CCDC144A: variants seen among roughly 807,000 people sequenced by gnomAD.
CCDC144A encodes coiled-coil domain-containing protein 144A.
CCDC144A carries 41 observed loss-of-function variants against 143.8 expected under a neutral mutation model. The observed-to-expected ratio is 0.29, with a 90% CI of 0.22 to 0.37. The LOEUF (loss-of-function observed/expected upper bound fraction) is 0.37. Among genes scored for constraint, CCDC144A ranks in the 10% least tolerant of loss-of-function variants. The pLI, the probability that CCDC144A is intolerant of heterozygous loss-of-function variation, is 1.00. For synonymous variants in CCDC144A, 242 were observed against 517.9 expected, an observed-to-expected ratio of 0.47 and a Z score of 7.23; for missense variants, 637 against 1,488.8, an observed-to-expected ratio of 0.43 and a Z score of 9.41.
intron 12 of CCDC144A, among the ~76,000 whole-genome samples, chr17:16,747,166 C>G (rs1459880884): frequency 6.6e-6 from 1 of 152,002 alleles, no homozygotes; most frequent in East Asian, 1.9e-4. Context: ...AATAGGGAGT[C>G]CTTTCCCCAT....
intron 5 of CCDC144A, among the ~76,000 whole-genome samples, chr17:16,710,951 A>G (rs566763724): frequency 9.4e-4 from 137 of 146,058 alleles, no homozygotes; most frequent in Non-Finnish European, 1.7e-3. Context: ...AGAGTGAGCT[A>G]AAGTAGATTC....
chr17:16,683,153 A>G, the CCDC144A span, among the ~76,000 whole-genome samples: 439 of 152,002 alleles, frequency 2.9e-3, 3 homozygotes, highest in African/African-American at 0.01. Context: ...ATTGCACAAC[A>G]TGGTGACTGC....
the CCDC144A span, chr17:16,683,442 C>G: frequency 1.7e-6 from 2 of 1,165,160 alleles, no homozygotes; most frequent in Admixed American, 2.3e-5. Flanking sequence ...GAGCGATGAG[C>G]CGGCTTCTGT....
the CCDC144A span, among the ~76,000 whole-genome samples, chr17:16,674,063 A>G: frequency 6.6e-6 from 1 of 152,084 alleles, no homozygotes; most frequent in Non-Finnish European, 1.5e-5. Flanking sequence ...ATGTCTTCCA[A>G]ATTTTAAGGA....
At chr17:16,673,064 A>G in the CCDC144A span, among the ~76,000 whole-genome samples, 1 of 152,122 alleles carries the variant, frequency 6.6e-6, no homozygotes, top group East Asian at 1.9e-4. Flanking sequence ...TGATAACACA[A>G]TTGTACATGT....
intron 1 of CCDC144A, among the ~76,000 whole-genome samples, chr17:16,691,492 TG>T (rs1567581055): frequency 2.0e-5 from 3 of 151,912 alleles, no homozygotes; most frequent in Admixed American, 6.6e-5. Context: ...CAGGGTGCAG[TG>T]GCTCATGCCT....
the CCDC144A span, among the ~76,000 whole-genome samples, chr17:16,669,192 G>A: frequency 1.3e-5 from 2 of 152,064 alleles, no homozygotes; most frequent in African/African-American, 2.4e-5. Flanking sequence ...TATATCTTGC[G>A]ACATTTGAGA....
At chr17:16,738,604 G>GT (rs1914127606) in intron 12 of CCDC144A, among the ~76,000 whole-genome samples, 1 of 152,146 alleles carries the variant, frequency 6.6e-6, no homozygotes, top group African/African-American at 2.4e-5. Flanking sequence ...TCATTGTGTT[G>GT]TAACATGTAT....
rs1211217229 is a variant in CCDC144A, at chr17:16,777,316, T to C, written c.*3683T>C. ...CTAGGCAGATCACCAAGACAGAAAG[T>C]CAACAAAGAAACAATGGACTTAAAC... On this transcript the variant is annotated 3_prime_UTR_variant, in exon 17 of 17. Coordinates refer to ENST00000399273, the MANE Select transcript of CCDC144A (RefSeq NM_001382000.1). The C allele has an allele frequency of 6.7e-6, 1 of 150,168 alleles. No individual in the cohort carries two copies. Among genetic ancestry groups the C allele is most frequent in the Non-Finnish European group, 1.5e-5 (1 of 67,438 alleles). 9.3% of individuals were successfully genotyped at this position (150,168 alleles called of 1,614,324 possible).
the CCDC144A span, among the ~76,000 whole-genome samples, chr17:16,671,411 G>T: frequency 6.6e-6 from 1 of 152,064 alleles, no homozygotes; most frequent in Admixed American, 6.6e-5. Context: ...GCGTTATTCT[G>T]TAAGTTCTGT....
Position 16,709,035 on chromosome 17 carries a change from A to G in CCDC144A, c.978A>G (p.Arg326=). 1 of 1,611,710 alleles carries G rather than the reference A, an allele frequency of 6.2e-7. No homozygotes were observed. Among genetic ancestry groups the G allele is most frequent in the Non-Finnish European group, 8.5e-7 (1 of 1,179,634 alleles). Residue 326 remains arginine (R), a synonymous_variant, in exon 5 of 17, where the codon AGA becomes AGG. Transcript: ENST00000399273. The part of the protein sequence containing the change: ...EEEPLLDNST[R]GTDVKDIPFN... ...AGCCACTACTTGATAACTCTACAAG[A>G]GGAACAGATGTAAAGGATATTCCCT...
chr17:16,736,440 A>C (rs1364044422), intron 12 of CCDC144A, among the ~76,000 whole-genome samples: 1 of 151,852 alleles, frequency 6.6e-6, no homozygotes, highest in African/African-American at 2.4e-5. Context: ...ATTAAATCAT[A>C]ATTTGGGACA....
chr17:16,686,478 A>G (rs1910785204), upstream of CCDC144A, among the ~76,000 whole-genome samples: 1 of 151,932 alleles, frequency 6.6e-6, no homozygotes, highest in Non-Finnish European at 1.5e-5. Flanking sequence ...GTGGGTGTGC[A>G]TATAGAAGAG....
intron 15 of CCDC144A, among the ~76,000 whole-genome samples, chr17:16,769,910 C>G (rs1467470049): frequency 2.0e-5 from 3 of 151,938 alleles, no homozygotes; most frequent in Non-Finnish European, 4.4e-5. Flanking sequence ...TCACTGCAAC[C>G]TCTGCCTGCC....
chr17:16,745,992 T>G lies in CCDC144A; in HGVS notation c.3372+10349T>G. The G allele has an allele frequency of 1.9e-6, 3 of 1,611,146 alleles. No individual in the cohort carries two copies. The South Asian group carries it at 3.3e-5, about 18-fold the overall frequency. On this transcript the variant is annotated intron_variant, in intron 12 of 16. Coordinates refer to ENST00000399273, the MANE Select transcript of CCDC144A (RefSeq NM_001382000.1). The stretch of plus-strand genomic sequence containing the variant: ...GTCATCCACATGGTGTCTTTGTGAT[T>G]CAGATTCTTGTTCTTGAGATCTCTC...
In CCDC144A at chr17:16,708,618, G is replaced by A. The variant is rs1740888230; in HGVS notation, c.739-178G>A. 4.2e-6 allele frequency: 3 copies of A among 715,956 alleles called. No individual in the cohort carries two copies. The South Asian group carries it at 5.5e-5, about 13-fold the overall frequency. The allele number at this position is 715,956 out of a possible 1,614,324, so 44.4% of individuals were successfully genotyped here. A position where few individuals can be genotyped will look rare whatever the true frequency, so the allele number is the denominator to read the frequency against. On this transcript the variant is annotated intron_variant, in intron 4 of 16. Transcript: ENST00000399273. ...TTAGTTACAAGCCAGTGATTTGGGA[G>A]TAGCTAAACCTAGATGAAGAAGTTT...
Position 16,690,463 on chromosome 17 carries a change from C to A in CCDC144A, c.63C>A (p.Tyr21Ter). Residue 21 changes from tyrosine (Y) to a stop codon, truncating the protein, a stop_gained, in exon 1 of 17, where the codon TAC becomes TAA. Transcript: ENST00000399273. LOFTEE classifies it high-confidence loss of function. ...AGGGGTCTCCGAAGCCGGCAGTCTA[C>A]GCCACGAGGAAGACCCCTAGCGTCG... ...GAEGSPKPAV[Y>*]ATRKTPSVGS... 1 of 1,612,458 alleles carries A rather than the reference C, an allele frequency of 6.2e-7. No homozygotes were observed. The highest frequency in any genetic ancestry group is 8.5e-7 in the Non-Finnish European group (1 of 1,179,350).
At chr17:16,742,511 T>TG in intron 12 of CCDC144A, among the ~76,000 whole-genome samples, 1 of 152,306 alleles carries the variant, frequency 6.6e-6, no homozygotes, top group African/African-American at 2.4e-5. Context: ...TTGTGAATAG[T>TG]GCTGCAATCA....
intron 2 of CCDC144A, among the ~76,000 whole-genome samples, chr17:16,699,382 G>A (rs200155527): frequency 2.7e-5 from 4 of 149,474 alleles, no homozygotes. Flanking sequence ...GACTTTTTTT[G>A]TTGTTGTTGT....
Sources: allele counts gnomAD v4.1 joint callset (sites outside exome capture counted in the v4.1 genomes callset), GRCh38; gene constraint gnomAD v4.1.1; transcripts MANE v1.5; gene names NCBI Gene and HGNC (gene_info 2026-07-23, HGNC 2026-07-21).